The following TLK1 variants were observed in gnomAD, a reference collection of about 807,000 sequenced individuals.
TLK1 encodes the protein serine/threonine-protein kinase tousled-like 1.
Under a neutral mutation model 105.3 loss-of-function variants are expected in TLK1, and 24 were observed. The observed-to-expected ratio is 0.23, with a 90% confidence interval of 0.17 to 0.32. TLK1 has a LOEUF of 0.32. Among genes scored for constraint, TLK1 ranks in the 10% least tolerant of loss-of-function variants. TLK1 has a pLI of 1.00. For missense variants in TLK1, 558 were observed against 910.5 expected, an observed-to-expected ratio of 0.61 and a Z score of 4.98; for synonymous variants, 321 against 310.4, an observed-to-expected ratio of 1.03 and a Z score of -0.36.
At chr2:171,037,617 TATTAA>T (rs1686432768) in intron 11 of TLK1, among the ~76,000 whole-genome samples, 2 of 146,734 alleles carry the variant, frequency 1.4e-5, no homozygotes, top group Non-Finnish European at 3.1e-5. Flanking sequence ...TTTTCGTATC[TATTAA>T]GATAGTCATA....
chr2:171,121,503 G>A (rs372825738), intron 1 of TLK1, among the ~76,000 whole-genome samples: 4 of 152,136 alleles, frequency 2.6e-5, no homozygotes, highest in African/African-American at 7.2e-5. Context: ...TGCACTCCAC[G>A]CTGGGTGACA....
intron 1 of TLK1, among the ~76,000 whole-genome samples, chr2:171,174,624 A>G (rs1488281699): frequency 6.6e-6 from 1 of 152,036 alleles, no homozygotes; most frequent in Non-Finnish European, 1.5e-5. Context: ...CTCCTCCTCC[A>G]CTAAGCCCTG....
intron 1 of TLK1, among the ~76,000 whole-genome samples, chr2:171,149,188 G>C (rs564509219): frequency 7.3e-6 from 1 of 137,886 alleles, no homozygotes; most frequent in Non-Finnish European, 1.5e-5. Flanking sequence ...CTGGACAACA[G>C]AGCAAGACCC....
intron 2 of TLK1, among the ~76,000 whole-genome samples, chr2:171,093,568 G>C (rs1197702791): frequency 6.6e-6 from 1 of 152,124 alleles, no homozygotes; most frequent in Admixed American, 6.5e-5. Flanking sequence ...AAGATGGAAA[G>C]TGGGGCATGA....
chr2:171,086,638 CAAAAA>C (rs35913328), intron 2 of TLK1, among the ~76,000 whole-genome samples: 1 of 108,940 alleles, frequency 9.2e-6, no homozygotes, highest in Admixed American at 8.9e-5. Context: ...AAAAAACAAA[CAAAAA>C]AAAAAAACAG....
intron 1 of TLK1, among the ~76,000 whole-genome samples, chr2:171,130,666 C>G (rs1691066240): frequency 1.3e-5 from 2 of 152,160 alleles, no homozygotes; most frequent in Admixed American, 6.6e-5. Flanking sequence ...ACTTTCTACT[C>G]ACCTAGCCTA....
chr2:171,153,663 A>C (rs889279131), intron 1 of TLK1, among the ~76,000 whole-genome samples: 17 of 152,242 alleles, frequency 1.1e-4, no homozygotes, highest in African/African-American at 3.9e-4. Flanking sequence ...GAGACACTAA[A>C]CAACACAGGC....
At chr2:171,056,397 A>G in intron 6 of TLK1, 74 bp downstream of exon 6, 1 of 1,229,240 alleles carries the variant, frequency 8.1e-7, no homozygotes, top group South Asian at 1.4e-5. Context: ...ATAAAAAACA[A>G]CAAATTATAA....
chr2:171,074,626 C>CAAAAAAAA (rs372844435), intron 3 of TLK1, among the ~76,000 whole-genome samples: 21 of 89,746 alleles, frequency 2.3e-4, no homozygotes, highest in Admixed American at 3.5e-4. Context: ...GACTCTGCCT[C>CAAAAAAAA]AAAAAAAAAA....
rs1359513675 is a variant in TLK1, at chr2:171,160,887, C to A, written c.-459G>T. The A allele has an allele frequency of 1.0e-5, 3 of 290,016 alleles. No homozygotes were observed. The highest frequency in any genetic ancestry group is 2.3e-5 in the African/African-American group (1 of 44,370). The allele number at this position is 290,016 out of a possible 1,614,324, so 18.0% of individuals were successfully genotyped here. A position where few individuals can be genotyped will look rare whatever the true frequency, so the allele number is the denominator to read the frequency against. On this transcript the variant is annotated 5_prime_UTR_variant, in exon 1 of 21. Transcript: ENST00000431350. This position sits in a 1 kb window ranked among gnomAD's most constrained non-coding sequence, Gnocchi z 4.4. ...GGTGGCGGCTGAGGCGGTGGGGTAA[C>A]CTCTGCATCAGTTACAGGCGGCGGC...
In TLK1 at chr2:171,120,248, G is replaced by GAAAAAAAAAAAAAAAAAAAAAAA. The variant is rs71008751; in HGVS notation, c.140-2414_140-2392dup. 4.3e-5 allele frequency among the ~76,000 whole-genome samples: 2 copies of GAAAAAAAAAAAAAAAAAAAAAAA among 47,048 alleles called. 1 individual carries two copies. Among genetic ancestry groups the GAAAAAAAAAAAAAAAAAAAAAAA allele is most frequent in the Non-Finnish European group, 7.7e-5 (2 of 26,000 alleles). 30.9% of individuals were successfully genotyped at this position (47,048 alleles called of 152,430 possible). ...TGGGCGACAGAGTGAGACTCCGTCA[G>GAAAAAAAAAAAAAAAAAAAAAAA]AAAAAAAAAAAAAAAAAAAAAAAAG... is the stretch of plus-strand genomic sequence containing the variant. On this transcript the variant is annotated intron_variant, in intron 1 of 20. Coordinates refer to ENST00000431350, the MANE Select transcript of TLK1 (RefSeq NM_012290.5).
At chr2:171,084,751 G>C (rs925704406) in intron 2 of TLK1, among the ~76,000 whole-genome samples, 6 of 152,006 alleles carry the variant, frequency 3.9e-5, no homozygotes, top group African/African-American at 7.2e-5. Context: ...AATGAACTAA[G>C]AGATATTACA....
At chr2:171,192,395 CAG>C (rs2105314581) in intron 1 of TLK1, among the ~76,000 whole-genome samples, 1 of 152,192 alleles carries the variant, frequency 6.6e-6, no homozygotes, top group East Asian at 1.9e-4. Context: ...TTATTGGTAA[CAG>C]AGCCAGGCGC....
At position 170,991,557 on chromosome 2, in the gene TLK1, G is replaced by C. The variant is rs189811688; in HGVS notation, c.*2223C>G. The C allele has an allele frequency of 6.6e-6, 1 of 152,274 alleles. No homozygotes were observed. 9.4% of individuals were successfully genotyped at this position (152,274 alleles called of 1,614,324 possible). A position where few individuals can be genotyped will look rare whatever the true frequency, so the allele number is the denominator to read the frequency against. On this transcript the variant is annotated 3_prime_UTR_variant, in exon 21 of 21. Coordinates refer to ENST00000431350, the MANE Select transcript of TLK1 (RefSeq NM_012290.5). ...TTTTAAAATGATGACCTAAACCCAG[G>C]TCAGGAAAGCAACTTCATTTCATGG...
At chr2:171,122,815 G>A (rs903199908) in intron 1 of TLK1, among the ~76,000 whole-genome samples, 19 of 151,978 alleles carry the variant, frequency 1.3e-4, no homozygotes, top group Admixed American at 1.2e-3. Flanking sequence ...GAGGAGGGCG[G>A]ATCACTTAAG....
At chr2:171,076,132 C>T (rs1486997795) in intron 3 of TLK1, among the ~76,000 whole-genome samples, 1 of 151,724 alleles carries the variant, frequency 6.6e-6, no homozygotes, top group Non-Finnish European at 1.5e-5. Context: ...GGAGGAGACT[C>T]GCTTGAACCC....
chr2:171,108,205 A>G (rs1690015643), intron 2 of TLK1, among the ~76,000 whole-genome samples: 2 of 152,220 alleles, frequency 1.3e-5, no homozygotes, highest in South Asian at 4.1e-4. Context: ...ATATGATGGC[A>G]TTCTTTATAC....
At chr2:171,065,966 G>A (rs970908521) in intron 3 of TLK1, among the ~76,000 whole-genome samples, 2 of 152,130 alleles carry the variant, frequency 1.3e-5, no homozygotes, top group Non-Finnish European at 2.9e-5. Context: ...CACATTTCTA[G>A]GCAAAACTTG....
rs757736684 is a variant in TLK1, at chr2:171,117,943, T to C, written c.140-86A>G. The C allele has an allele frequency of 5.6e-4, 492 of 881,736 alleles. 2 individuals are homozygous for C. The highest frequency in any genetic ancestry group is 7.5e-4 in the Non-Finnish European group (469 of 628,254). 54.6% of individuals were successfully genotyped at this position (881,736 alleles called of 1,614,324 possible). On this transcript the variant is annotated intron_variant, in intron 1 of 20. Transcript: ENST00000431350. Reference sequence around the variant, plus strand: ...CACACAAATATATATATGTGATTAGTTAAGATGTTAAAAATTTAGGAATGA... The same window carrying C: ...CACACAAATATATATATGTGATTAGCTAAGATGTTAAAAATTTAGGAATGA...
Sources: gnomAD v4.1 joint callset for allele counts (sites outside exome capture counted in the v4.1 genomes callset) on GRCh38, gnomAD v4.1.1 for gene constraint, Gnocchi (gnomAD v3.1) non-coding constraint, MANE v1.5 for transcripts, NCBI Gene and HGNC (gene_info 2026-07-23, HGNC 2026-07-21) for gene names.